KIF13B: variants seen among roughly 807,000 people sequenced by gnomAD.
The protein encoded by KIF13B is kinesin-like protein KIF13B.
A neutral mutation model predicts 222.0 loss-of-function variants in KIF13B; 127 were observed. That is an observed-to-expected ratio of 0.57 (90% CI 0.50 to 0.66). The LOEUF is 0.66. Ranked by LOEUF, KIF13B falls within the 30% of genes least tolerant of loss-of-function variation. KIF13B has a pLI of 0.00. For missense variants in KIF13B, 2,173 were observed against 2,379.0 expected, an observed-to-expected ratio of 0.91 and a Z score of 1.80; for synonymous variants, 976 against 919.0, an observed-to-expected ratio of 1.06 and a Z score of -1.12.
chr8:29,115,726 G>A (rs993430354), intron 31 of KIF13B, among the ~76,000 whole-genome samples: 1 of 152,160 alleles, frequency 6.6e-6, no homozygotes, highest in Admixed American at 6.5e-5. Context: ...CCTTGGCACA[G>A]GCAGGACCCC....
intron 12 of KIF13B, among the ~76,000 whole-genome samples, chr8:29,164,048 C>T (rs1200591945): frequency 6.6e-6 from 1 of 152,196 alleles, no homozygotes; most frequent in Non-Finnish European, 1.5e-5. Flanking sequence ...GACACAAAAA[C>T]AACACTGGCC....
rs765783179 is a variant in KIF13B, at chr8:29,190,945, T to C, written c.223+52A>G. On this transcript the variant is annotated intron_variant, in intron 4 of 39. Transcript: ENST00000524189. ...AGCAATCGTGTAAGGGAAAAAATAC[T>C]GAACCCCTCTTCTACACCATCAGTA... 4.9e-6 allele frequency: 7 copies of C among 1,424,818 alleles called. 1 individual carries two copies. Among genetic ancestry groups the C allele is most frequent in the South Asian group, 4.6e-5 (4 of 87,236 alleles). The allele number at this position is 1,424,818 out of a possible 1,614,324, so 88.3% of individuals were successfully genotyped here.
intron 36 of KIF13B, among the ~76,000 whole-genome samples, chr8:29,097,581 T>C (rs1457580874): frequency 6.6e-6 from 1 of 152,008 alleles, no homozygotes; most frequent in East Asian, 1.9e-4. Context: ...GGAATACAGA[T>C]TACCCCCAAA....
rs772552705 is a variant in KIF13B at position 29,132,482 on chromosome 8, A to G, written c.2785-17T>C. 2.1e-6 allele frequency: 3 copies of G among 1,449,616 alleles called. No individual in the cohort carries two copies. The highest frequency in any genetic ancestry group is 2.8e-6 in the Non-Finnish European group (3 of 1,089,632). The allele number at this position is 1,449,616 out of a possible 1,614,324, so 89.8% of individuals were successfully genotyped here. ...AGAAAACTCCTGAAACACAACAGCTAATTACAGAAGAGCAAACTCTTTCTG... is the reference window on the plus strand; with the variant it reads ...AGAAAACTCCTGAAACACAACAGCTGATTACAGAAGAGCAAACTCTTTCTG... On this transcript the variant is annotated splice_polypyrimidine_tract_variant and intron_variant, in intron 22 of 39. Coordinates refer to ENST00000524189, the MANE Select transcript of KIF13B (RefSeq NM_015254.4).
intron 29 of KIF13B, among the ~76,000 whole-genome samples, chr8:29,121,252 A>G (rs1375699058): frequency 1.5e-5 from 1 of 64,626 alleles, no homozygotes; most frequent in East Asian, 5.4e-4. Context: ...TGCCAAGTCA[A>G]TCCTAAGCCA....
intron 1 of KIF13B, among the ~76,000 whole-genome samples, chr8:29,255,414 C>T (rs1816438855): frequency 6.6e-6 from 1 of 152,170 alleles, no homozygotes; most frequent in South Asian, 2.1e-4. Flanking sequence ...CCCAATTCCT[C>T]CTACTTTCAA....
intron 2 of KIF13B, among the ~76,000 whole-genome samples, chr8:29,197,359 A>AT (rs1554617102): frequency 7.4e-5 from 11 of 148,278 alleles, no homozygotes; most frequent in African/African-American, 2.5e-4. Flanking sequence ...AAAAAAAAAA[A>AT]AACTCAATAT....
At chr8:29,161,750 G>C (rs946894091) in intron 12 of KIF13B, among the ~76,000 whole-genome samples, 4 of 148,886 alleles carry the variant, frequency 2.7e-5, no homozygotes, top group African/African-American at 9.9e-5. Context: ...AACGTTCTCT[G>C]TGTTCTCGTT....
At chr8:29,129,824 C>T (rs1040642539) in intron 24 of KIF13B, among the ~76,000 whole-genome samples, 1 of 152,212 alleles carries the variant, frequency 6.6e-6, no homozygotes, top group African/African-American at 2.4e-5. Flanking sequence ...TAACACCTGG[C>T]ATGTCAGGCC....
chr8:29,189,472 C>T (rs1586902299), intron 4 of KIF13B: 1 of 152,186 alleles, frequency 6.6e-6, no homozygotes, highest in African/African-American at 2.4e-5. Context: ...GGAATAAAGG[C>T]AATCAAAGGC....
chr8:29,256,756 T>TTG (rs1377742041), intron 1 of KIF13B, among the ~76,000 whole-genome samples: 1 of 152,042 alleles, frequency 6.6e-6, no homozygotes, highest in Non-Finnish European at 1.5e-5. Flanking sequence ...CTTTTTTTGT[T>TTG]TGTTTGTTTG....
chr8:29,181,497 A>C (rs111516141), intron 7 of KIF13B, among the ~76,000 whole-genome samples: 1,934 of 152,338 alleles, frequency 0.013, 25 homozygotes, highest in African/African-American at 0.03. Flanking sequence ...CCTACCTGAC[A>C]CACATCATCA....
At chr8:29,176,030 C>T in intron 10 of KIF13B, 38 bp downstream of exon 10, 1 of 1,255,790 alleles carries the variant, frequency 8.0e-7, no homozygotes. Flanking sequence ...TTGCCAACCA[C>T]CAAAAGTATG....
rs151174494 is a variant in KIF13B, at chr8:29,091,992, G to T, written c.4458+753C>A. Among the ~76,000 whole-genome samples the T allele has an allele frequency of 9.8e-4, 150 of 152,310 alleles. 2 individuals carry two copies. The East Asian group carries it at 0.027, about 27-fold the overall frequency. On this transcript the variant is annotated intron_variant, in intron 37 of 39. Transcript: ENST00000524189. ...AAAATTCTTTAGTTAAGTCTCAGAC[G>T]ATTCACCTGGATTACTGCAACTTGA...
intron 2 of KIF13B, among the ~76,000 whole-genome samples, chr8:29,234,199 A>G (rs1815406366): frequency 6.6e-6 from 1 of 152,168 alleles, no homozygotes; most frequent in Non-Finnish European, 1.5e-5. Flanking sequence ...CAGGGTCTTG[A>G]AGAGGTACTT....
chr8:29,255,854 GAC>G lies in KIF13B; in HGVS notation c.55+7124_55+7125del, dbSNP rs779556613. On this transcript the variant is annotated intron_variant, in intron 1 of 39. Transcript: ENST00000524189. ...GATTGCTTTCACCTTTCACTCTTTT[GAC>G]ACATTTTTCCTCCCTAGGCATCCAC... Among the ~76,000 whole-genome samples, 76 of 152,096 alleles carry G rather than the reference GAC, an allele frequency of 5.0e-4. 1 individual carries two copies. The South Asian group carries it at 0.015, about 30-fold the overall frequency.
intron 2 of KIF13B, among the ~76,000 whole-genome samples, chr8:29,234,197 T>C (rs1183897112): frequency 6.6e-6 from 1 of 152,098 alleles, no homozygotes; most frequent in Non-Finnish European, 1.5e-5. Context: ...AGCAGGGTCT[T>C]GAAGAGGTAC....
chr8:29,134,899 G>C (rs1177296420), intron 21 of KIF13B, among the ~76,000 whole-genome samples: 2 of 152,144 alleles, frequency 1.3e-5, no homozygotes, highest in African/African-American at 2.4e-5. Context: ...CAAAGGAAGC[G>C]TGCTCCGGAC....
intron 10 of KIF13B, among the ~76,000 whole-genome samples, chr8:29,174,404 C>T (rs185166888): frequency 6.6e-6 from 1 of 152,050 alleles, no homozygotes; most frequent in Non-Finnish European, 1.5e-5. Flanking sequence ...AGCAGAAGTT[C>T]TTATGCTGTT....
Sources: allele counts gnomAD v4.1 joint callset (sites outside exome capture counted in the v4.1 genomes callset), GRCh38; gene constraint gnomAD v4.1.1; transcripts MANE v1.5; gene names NCBI Gene and HGNC (gene_info 2026-07-23, HGNC 2026-07-21).